The following BICC1 variants were observed in gnomAD, a reference collection of about 807,000 sequenced individuals.
BICC1 encodes the protein protein bicaudal C homolog 1.
BICC1 carries 43 observed loss-of-function variants against 111.0 expected under a neutral mutation model. The ratio of observed to expected loss-of-function variants is 0.39; its 90% confidence interval spans 0.30 to 0.50. The LOEUF is 0.50. Among genes scored for constraint, BICC1 ranks in the 20% least tolerant of loss-of-function variants. The pLI, the probability that BICC1 is intolerant of heterozygous loss-of-function variation, is 0.88. For missense variants in BICC1, 1,091 were observed against 1,203.2 expected (o/e 0.91, Z 1.38); for synonymous variants, 467 against 434.4 (o/e 1.07, Z -0.93).
intron 3 of BICC1, among the ~76,000 whole-genome samples, chr10:58,769,048 A>C (rs1842537258): frequency 6.6e-6 from 1 of 152,102 alleles, no homozygotes; most frequent in Admixed American, 6.6e-5. Flanking sequence ...CAAACAGACA[A>C]ATACTGCATA....
At position 58,789,467 on chromosome 10, in the gene BICC1, C is replaced by T. The variant is rs539897923; in HGVS notation, c.795+11C>T. 4 of 1,601,584 alleles carry T rather than the reference C, an allele frequency of 2.5e-6. No homozygotes were observed. Among genetic ancestry groups the T allele is most frequent in the Admixed American group, 1.7e-5 (1 of 59,200 alleles). The stretch of plus-strand genomic sequence containing the variant: ...ACTAGTGCTGTGAAGGTAAATTATT[C>T]AGATAATTCTGCACATCCTATATGT... On this transcript the variant is annotated intron_variant, in intron 7 of 20. Coordinates refer to ENST00000373886, the MANE Select transcript of BICC1 (RefSeq NM_001080512.3).
chr10:58,600,407 G>A (rs973250154), intron 1 of BICC1, among the ~76,000 whole-genome samples: 2 of 152,242 alleles, frequency 1.3e-5, no homozygotes, highest in African/African-American at 4.8e-5. Flanking sequence ...CTAAGACAGA[G>A]CTATGGGGAG....
In BICC1 at chr10:58,789,396, C is replaced by T; in HGVS notation, c.735C>T (p.Ser245=). 1 of 1,613,988 alleles carries T rather than the reference C, an allele frequency of 6.2e-7. No individual in the cohort carries two copies. The highest frequency in any genetic ancestry group is 8.5e-7 in the Non-Finnish European group (1 of 1,179,964). ...TTTCAGTATCATTTAAACAGCGTTC[C>T]CGAATGTATGGTGCTACTGTCATAG... ...YNISVSFKQR[S]RMYGATVIVR... Residue 245 remains serine (S), a synonymous_variant, in exon 7 of 21, where the codon TCC becomes TCT. Transcript: ENST00000373886.
At chr10:58,801,337 A>G (rs146449793) in intron 14 of BICC1, among the ~76,000 whole-genome samples, 49 of 152,274 alleles carry the variant, frequency 3.2e-4, no homozygotes, top group Admixed American at 1.2e-3. Context: ...AGTAATCAGC[A>G]GGGCCATTTT....
chr10:58,542,015 G>A (rs982697656), intron 1 of BICC1, among the ~76,000 whole-genome samples: 1 of 151,842 alleles, frequency 6.6e-6, no homozygotes, highest in Non-Finnish European at 1.5e-5. Context: ...TCCAGGTGTA[G>A]TGATGTGTGC....
chr10:58,807,231 C>A, intron 17 of BICC1, 73 bp downstream of exon 17: 1 of 1,430,404 alleles, frequency 7.0e-7, no homozygotes, highest in East Asian at 2.3e-5. Context: ...TTCCCCCACC[C>A]TCATTCTTTA....
intron 3 of BICC1, among the ~76,000 whole-genome samples, chr10:58,774,023 A>G (rs980702169): frequency 6.6e-5 from 10 of 152,158 alleles, no homozygotes; most frequent in African/African-American, 2.4e-4. Context: ...GTTGCCATAA[A>G]TGTTTGAAAG....
intron 3 of BICC1, among the ~76,000 whole-genome samples, chr10:58,728,427 T>C (rs973312008): frequency 3.9e-5 from 6 of 152,186 alleles, no homozygotes; most frequent in African/African-American, 1.4e-4. Context: ...AATTCATTTA[T>C]ATCTTTAGGC....
intron 1 of BICC1, among the ~76,000 whole-genome samples, chr10:58,528,290 C>T (rs138567987): frequency 1.3e-5 from 2 of 151,738 alleles, no homozygotes; most frequent in East Asian, 1.9e-4. Flanking sequence ...CAATCTAGGC[C>T]GTATGTAGAA....
rs150645800 is a variant in BICC1, at chr10:58,794,345, G to A, written c.1179+730G>A. ...AGGACTGAACTGTCTCAAGTTCAGC[G>A]TTCTTGGAATCTCTCCTCAGAGTGT... On this transcript the variant is annotated intron_variant, in intron 9 of 20. Transcript: ENST00000373886. Among the ~76,000 whole-genome samples the A allele has an allele frequency of 2.3e-3, 356 of 151,926 alleles. 3 individuals carry two copies. Among genetic ancestry groups the A allele is most frequent in the African/African-American group, 7.9e-3 (329 of 41,414 alleles).
chr10:58,731,669 T>A (rs1356314471), intron 3 of BICC1, among the ~76,000 whole-genome samples: 1 of 151,158 alleles, frequency 6.6e-6, no homozygotes, highest in Non-Finnish European at 1.5e-5. Context: ...GAAGGCAAAG[T>A]GGGAGCAGGT....
chr10:58,741,919 T>A (rs565265490), intron 3 of BICC1, among the ~76,000 whole-genome samples: 2 of 152,316 alleles, frequency 1.3e-5, no homozygotes, highest in East Asian at 3.9e-4. Context: ...GGTTTTGTTT[T>A]GTACATGTAG....
chr10:58,699,154 T>C (rs976691914), intron 2 of BICC1, among the ~76,000 whole-genome samples: 1 of 152,244 alleles, frequency 6.6e-6, no homozygotes, highest in Non-Finnish European at 1.5e-5. Context: ...TTACTGTGGC[T>C]CATAGAACTT....
chr10:58,702,756 T>A (rs948321048), intron 3 of BICC1, among the ~76,000 whole-genome samples: 1 of 152,220 alleles, frequency 6.6e-6, no homozygotes, highest in African/African-American at 2.4e-5. Context: ...CAATATATAT[T>A]TTTATGGATA....
intron 3 of BICC1, among the ~76,000 whole-genome samples, chr10:58,745,653 C>A (rs778200108): frequency 4.1e-4 from 55 of 134,988 alleles, no homozygotes; most frequent in Non-Finnish European, 6.8e-4. Flanking sequence ...TTTTCAAAGC[C>A]TTTTCTTCTG....
intron 2 of BICC1, among the ~76,000 whole-genome samples, chr10:58,639,225 C>T (rs892339694): frequency 3.9e-5 from 6 of 152,034 alleles, no homozygotes; most frequent in African/African-American, 1.4e-4. Flanking sequence ...TATCTATACC[C>T]TAAGTGTTCC....
At chr10:58,827,189 G>A (rs1844424552) in intron 20 of BICC1, among the ~76,000 whole-genome samples, 1 of 152,158 alleles carries the variant, frequency 6.6e-6, no homozygotes, top group South Asian at 2.1e-4. Flanking sequence ...TTAAAGGATT[G>A]TTACACATGG....
chr10:58,516,585 T>G (rs1301291824), intron 1 of BICC1, among the ~76,000 whole-genome samples: 6 of 152,140 alleles, frequency 3.9e-5, no homozygotes, highest in Non-Finnish European at 8.8e-5. Flanking sequence ...GATTATCAGT[T>G]TTATTAGTTT....
intron 3 of BICC1, among the ~76,000 whole-genome samples, chr10:58,767,047 A>G (rs528613115): frequency 2.2e-4 from 33 of 152,296 alleles, no homozygotes; most frequent in Middle Eastern, 6.8e-3. Flanking sequence ...AGGCCTGCCC[A>G]TGAGCTAGTT....
Sources: allele counts gnomAD v4.1 joint callset (sites outside exome capture counted in the v4.1 genomes callset), GRCh38; gene constraint gnomAD v4.1.1; transcripts MANE v1.5; gene names NCBI Gene and HGNC (gene_info 2026-07-23, HGNC 2026-07-21).